OPCML: variants seen among roughly 807,000 people sequenced by gnomAD.
The protein encoded by OPCML is opioid-binding protein/cell adhesion molecule.
Under a neutral mutation model 37.8 loss-of-function variants are expected in OPCML, and 13 were observed. The observed-to-expected ratio is 0.34, with a 90% CI of 0.22 to 0.55. The LOEUF is 0.55. OPCML is among the 20% of genes least tolerant of loss of function. OPCML has a pLI of 0.91. For missense variants in OPCML, 341 were observed against 435.6 expected, an observed-to-expected ratio of 0.78 and a Z score of 1.93; for synonymous variants, 176 against 168.8, an observed-to-expected ratio of 1.04 and a Z score of -0.33.
At chr11:132,450,920 G>A (rs942257111) in intron 4 of OPCML, among the ~76,000 whole-genome samples, 2 of 152,170 alleles carry the variant, frequency 1.3e-5, no homozygotes, top group African/African-American at 2.4e-5. Flanking sequence ...ATTTTCGATA[G>A]TCAGTAGCTG....
intron 2 of OPCML, among the ~76,000 whole-genome samples, chr11:132,896,960 T>C (rs1283650559): frequency 1.3e-5 from 2 of 152,194 alleles, no homozygotes; most frequent in East Asian, 3.9e-4. Flanking sequence ...GTGGGCCTAT[T>C]TGAATTTTGC....
intron 4 of OPCML, among the ~76,000 whole-genome samples, chr11:132,462,045 AT>A (rs2096103922): frequency 6.6e-6 from 1 of 152,186 alleles, no homozygotes. Flanking sequence ...ATAGGTGACA[AT>A]GTACTACTTG....
chr11:132,548,554 G>A (rs766875393), intron 3 of OPCML, among the ~76,000 whole-genome samples: 11 of 152,134 alleles, frequency 7.2e-5, no homozygotes, highest in Non-Finnish European at 1.6e-4. Flanking sequence ...TAACACTGTC[G>A]TATAAAATAA....
intron 1 of OPCML, among the ~76,000 whole-genome samples, chr11:133,194,823 G>T (rs1016957919): frequency 7.9e-5 from 12 of 152,208 alleles, no homozygotes; most frequent in African/African-American, 2.9e-4. Flanking sequence ...GGACACATAC[G>T]TAATGCCCCT....
chr11:132,762,334 G>A (rs1483426658), intron 2 of OPCML, among the ~76,000 whole-genome samples: 2 of 152,232 alleles, frequency 1.3e-5, no homozygotes, highest in South Asian at 2.1e-4. Flanking sequence ...CAGAGCCTGA[G>A]CCCTGTCCTG....
intron 2 of OPCML, among the ~76,000 whole-genome samples, chr11:132,771,383 C>G (rs564265814): frequency 6.6e-6 from 1 of 152,166 alleles, no homozygotes; most frequent in Non-Finnish European, 1.5e-5. Flanking sequence ...AGCAGAGAGG[C>G]CACGCCTGTA....
At chr11:132,710,664 C>T (rs1042038516) in intron 2 of OPCML, among the ~76,000 whole-genome samples, 1 of 147,990 alleles carries the variant, frequency 6.8e-6, no homozygotes, top group African/African-American at 2.5e-5. Flanking sequence ...ACCAGCTTGG[C>T]CAACATGTAT....
intron 3 of OPCML, among the ~76,000 whole-genome samples, chr11:132,539,573 G>A (rs2096350497): frequency 1.3e-5 from 2 of 152,096 alleles, no homozygotes; most frequent in South Asian, 4.1e-4. Context: ...GATGATAAAG[G>A]TGGTGATAAA....
chr11:133,304,040 G>A (rs995774373), intron 1 of OPCML, among the ~76,000 whole-genome samples: 1 of 152,190 alleles, frequency 6.6e-6, no homozygotes, highest in Non-Finnish European at 1.5e-5. Flanking sequence ...ATTTTTAACT[G>A]ATAGAATTGA....
intron 1 of OPCML, among the ~76,000 whole-genome samples, chr11:132,976,107 C>T (rs1434476974): frequency 6.6e-6 from 1 of 152,190 alleles, no homozygotes; most frequent in African/African-American, 2.4e-5. Context: ...CCTTGTCCAA[C>T]ATAAGGTGTT....
At chr11:132,974,418 T>C (rs1012221070) in intron 1 of OPCML, among the ~76,000 whole-genome samples, 2 of 152,142 alleles carry the variant, frequency 1.3e-5, no homozygotes, top group African/African-American at 4.8e-5. Context: ...TCATCACTGG[T>C]CATCAGAGAA....
At chr11:133,309,721 TC>T (rs1366157183) in intron 1 of OPCML, among the ~76,000 whole-genome samples, 2 of 152,210 alleles carry the variant, frequency 1.3e-5, no homozygotes, top group African/African-American at 4.8e-5. Flanking sequence ...GTATGGGACC[TC>T]TGAATGTTCT....
At chr11:132,624,228 G>C in intron 3 of OPCML, among the ~76,000 whole-genome samples, 1 of 152,182 alleles carries the variant, frequency 6.6e-6, no homozygotes, top group East Asian at 1.9e-4. Context: ...AATGCATTCA[G>C]CAAACAGGCT....
At chr11:133,364,223 C>T (rs893616840) in intron 1 of OPCML, among the ~76,000 whole-genome samples, 4 of 152,192 alleles carry the variant, frequency 2.6e-5, no homozygotes, top group Non-Finnish European at 4.4e-5. Flanking sequence ...TATTCCTACA[C>T]GCATGCACAT....
At chr11:132,755,242 A>G (rs7109817) in intron 2 of OPCML, among the ~76,000 whole-genome samples, 13,794 of 152,206 alleles carry the variant, frequency 0.091, 778 homozygotes, top group African/African-American at 0.15. Context: ...TTCTTGCAAT[A>G]TTTTAAAGTT....
intron 1 of OPCML, among the ~76,000 whole-genome samples, chr11:133,508,766 G>A (rs888087967): frequency 3.3e-5 from 5 of 152,258 alleles, no homozygotes; most frequent in South Asian, 2.1e-4. Context: ...CCTCCACGCC[G>A]GATGCAGCTG....
intron 1 of OPCML, among the ~76,000 whole-genome samples, chr11:133,246,227 T>C (rs1269347847): frequency 6.6e-6 from 1 of 152,232 alleles, no homozygotes; most frequent in East Asian, 1.9e-4. Context: ...ATTTATTATC[T>C]CTTACTATAT....
At chr11:133,417,588 C>G (rs541775737) in intron 1 of OPCML, among the ~76,000 whole-genome samples, 1 of 152,028 alleles carries the variant, frequency 6.6e-6, no homozygotes, top group East Asian at 1.9e-4. Context: ...CACCCATTAA[C>G]TGGTCATTTA....
intron 1 of OPCML, among the ~76,000 whole-genome samples, chr11:133,491,489 C>A (rs924104364): frequency 1.3e-5 from 2 of 152,162 alleles, no homozygotes; most frequent in Non-Finnish European, 1.5e-5. Context: ...TGCTCATAAA[C>A]AATATTTCCC....
Sources: allele counts gnomAD v4.1 joint callset (sites outside exome capture counted in the v4.1 genomes callset), GRCh38; gene constraint gnomAD v4.1.1; transcripts MANE v1.5; gene names NCBI Gene and HGNC (gene_info 2026-07-23, HGNC 2026-07-21).